Variants in TEX11 observed in about 807,000 individuals in gnomAD.
TEX11 encodes testis-expressed protein 11.
A neutral mutation model predicts 84.4 loss-of-function variants in TEX11; 7 were observed. The observed-to-expected ratio is 0.08, with a 90% CI of 0.05 to 0.16. TEX11 has a LOEUF of 0.16. Ranked by LOEUF, TEX11 falls within the 10% of genes least tolerant of loss-of-function variation. The pLI is 1.00. For synonymous variants in TEX11, 264 were observed against 222.8 expected (o/e 1.18, Z -1.64); for missense variants, 551 against 660.5 (o/e 0.83, Z 1.82).
chrX:70,812,351 C>T (rs891892572), intron 8 of TEX11, among the ~76,000 whole-genome samples: 4 of 110,041 alleles, frequency 3.6e-5, no homozygotes, highest in Admixed American at 2.0e-4. Context: ...GGACTACAGG[C>T]GCACCCACCA....
intron 24 of TEX11, among the ~76,000 whole-genome samples, chrX:70,599,513 A>G: frequency 2.2e-5 from 1 of 46,162 alleles, no homozygotes; most frequent in South Asian, 1.5e-3. Flanking sequence ...GAAATCAACA[A>G]GTATTCTTTT....
At chrX:70,527,838 T>TA (rs2087837801), downstream of TEX11, among the ~76,000 whole-genome samples, 1 of 111,997 alleles carries the variant, frequency 8.9e-6, no homozygotes, top group Admixed American at 9.5e-5. Context: ...GGCAATGTGG[T>TA]AAAAAATAAA....
intron 8 of TEX11, among the ~76,000 whole-genome samples, chrX:70,829,991 G>A (rs1330573519): frequency 9.1e-6 from 1 of 110,114 alleles, no homozygotes; most frequent in Non-Finnish European, 1.9e-5. Context: ...TAACAAAGTG[G>A]CAGGAGTAAG....
At chrX:70,868,212 C>T (rs374821115) in intron 4 of TEX11, among the ~76,000 whole-genome samples, 6 of 111,168 alleles carry the variant, frequency 5.4e-5, no homozygotes, top group African/African-American at 1.6e-4. Flanking sequence ...AAAAAGTAGG[C>T]GAAGGATATG....
chrX:70,513,875 TG>T, the TEX11 span, among the ~76,000 whole-genome samples: 1 of 108,685 alleles, frequency 9.2e-6, no homozygotes, highest in African/African-American at 3.4e-5. Flanking sequence ...TCAATTGCTC[TG>T]GAATGATATC....
At chrX:70,845,756 A>G (rs951448302) in intron 7 of TEX11, among the ~76,000 whole-genome samples, 1 of 111,204 alleles carries the variant, frequency 9.0e-6, no homozygotes, top group South Asian at 3.9e-4. Flanking sequence ...TGAACCCAGG[A>G]GGTGGAGTTT....
intron 9 of TEX11, among the ~76,000 whole-genome samples, chrX:70,746,795 T>C (rs1276801300): frequency 8.9e-6 from 1 of 111,819 alleles, no homozygotes; most frequent in Non-Finnish European, 1.9e-5. Context: ...TACCAGAGAA[T>C]CAGGGAAACA....
chrX:70,532,303 C>A (rs900524600), intron 28 of TEX11, among the ~76,000 whole-genome samples: 2 of 111,777 alleles, frequency 1.8e-5, no homozygotes, highest in African/African-American at 3.3e-5. Context: ...TGAAATTTAT[C>A]CTGCTGGCAA....
At chrX:70,816,558 A>C (rs957444976) in intron 8 of TEX11, among the ~76,000 whole-genome samples, 3 of 110,142 alleles carry the variant, frequency 2.7e-5, no homozygotes, top group African/African-American at 9.9e-5. Context: ...CTAAAAATAC[A>C]AAAATTAGCC....
chrX:70,568,596 G>A (rs948122918), intron 25 of TEX11, among the ~76,000 whole-genome samples: 30 of 110,451 alleles, frequency 2.7e-4, no homozygotes, highest in African/African-American at 9.9e-4. Flanking sequence ...TTTAGGGCAG[G>A]CCTGGTGGTG....
intron 17 of TEX11, among the ~76,000 whole-genome samples, chrX:70,636,676 C>T (rs1476968232): frequency 1.8e-5 from 2 of 112,304 alleles, no homozygotes; most frequent in African/African-American, 6.5e-5. Flanking sequence ...GGGGCCTAAA[C>T]TTCAGGCCAG....
chrX:70,535,256 T>C (rs2087940987), intron 28 of TEX11, among the ~76,000 whole-genome samples: 1 of 112,153 alleles, frequency 8.9e-6, no homozygotes, highest in Non-Finnish European at 1.9e-5. Context: ...TTGGGCTATA[T>C]GAATAACTTT....
chrX:70,735,787 C>A (rs191178579), intron 11 of TEX11, among the ~76,000 whole-genome samples: 93 of 111,752 alleles, frequency 8.3e-4, no homozygotes, highest in African/African-American at 3.0e-3. Context: ...AAAAACAAGT[C>A]GGAGGGCCAT....
chrX:70,589,720 G>A (rs1178126632), intron 25 of TEX11, among the ~76,000 whole-genome samples: 6 of 110,793 alleles, frequency 5.4e-5, no homozygotes, highest in African/African-American at 2.0e-4. Context: ...ATGGGGTTTC[G>A]TCATGTTGGC....
chrX:70,611,026 A>G (rs753455045), intron 20 of TEX11, among the ~76,000 whole-genome samples: 4 of 112,309 alleles, frequency 3.6e-5, no homozygotes, highest in African/African-American at 1.3e-4. Flanking sequence ...GTGCCACAAA[A>G]TTTCCACGGT....
At position 70,641,720 on chromosome X, in the gene TEX11, C is replaced by T. The variant is rs764178932; in HGVS notation, c.1483+9730G>A. ...AAATAAAGATGTTCTTTGAAACCAA[C>T]GAGAACAAAGACACAACATACCAGA... On this transcript the variant is annotated intron_variant, in intron 17 of 29. Transcript: ENST00000374333. Among the ~76,000 whole-genome samples, 946 of 109,972 alleles carry T rather than the reference C, an allele frequency of 8.6e-3. 17 individuals are homozygous for T. The highest frequency in any genetic ancestry group is 7.5e-3 in the Non-Finnish European group (395 of 52,616).
rs1172473344 is a variant in TEX11, at chrX:70,672,623, A to T, written c.1243-2109T>A. On this transcript the variant is annotated intron_variant, in intron 15 of 29. Transcript: ENST00000374333. ...CATAAGTCATCTTTTTTGGGTGCTTATTTTCATGCATATATCCCTTTTTGG... is the reference window on the plus strand; with the variant it reads ...CATAAGTCATCTTTTTTGGGTGCTTTTTTTCATGCATATATCCCTTTTTGG... 3.6e-5 allele frequency among the ~76,000 whole-genome samples: 4 copies of T among 110,673 alleles called. No homozygotes were observed. The Admixed American group carries it at 3.9e-4, about 11-fold the overall frequency.
Position 70,554,643 on chromosome X carries a change from G to A in TEX11, c.2290+8C>T. ...CCAGCCTTACAAAAGCATAAATATAGCTCTTACTTGCAATTGTTTCAAAAG... is the reference window on the plus strand; with the variant it reads ...CCAGCCTTACAAAAGCATAAATATAACTCTTACTTGCAATTGTTTCAAAAG... On this transcript the variant is annotated splice_region_variant and intron_variant, in intron 26 of 29. Transcript: ENST00000374333. The A allele has an allele frequency of 1.7e-6, 2 of 1,190,186 alleles. No homozygotes were observed. Among genetic ancestry groups the A allele is most frequent in the Admixed American group, 2.3e-5 (1 of 42,999 alleles).
chrX:70,863,625 C>A (rs2091582228), intron 4 of TEX11, among the ~76,000 whole-genome samples: 2 of 111,768 alleles, frequency 1.8e-5, no homozygotes, highest in Middle Eastern at 4.6e-3. Context: ...TGAGGAAAAA[C>A]CAGTGCAAAA....
Sources: allele counts gnomAD v4.1 joint callset (sites outside exome capture counted in the v4.1 genomes callset), GRCh38; gene constraint gnomAD v4.1.1; transcripts MANE v1.5; gene names NCBI Gene and HGNC (gene_info 2026-07-23, HGNC 2026-07-21).